The following TPST1 variants were observed in gnomAD, a reference collection of about 807,000 sequenced individuals.
The protein encoded by TPST1 is tyrosylprotein sulfotransferase 1.
In TPST1, 20 loss-of-function variants were observed where a neutral mutation model predicts 34.8. That is an observed-to-expected ratio of 0.57 (90% confidence interval 0.40 to 0.84). The LOEUF is 0.84. Ranked by LOEUF, TPST1 falls within the 40% of genes least tolerant of loss-of-function variation. The probability of loss-of-function intolerance (pLI) is 0.00; values close to 1 mark genes in which losing one functional copy is unlikely to be tolerated. For missense variants in TPST1, 353 were observed against 455.5 expected (o/e 0.78, Z 2.05); for synonymous variants, 152 against 159.4 (o/e 0.95, Z 0.35).
chr7:66,308,885 A>G (rs1791475577), intron 3 of TPST1, among the ~76,000 whole-genome samples: 1 of 151,976 alleles, frequency 6.6e-6, no homozygotes, highest in Admixed American at 6.6e-5. Flanking sequence ...AGTATTCCTT[A>G]TTTTCTAACC....
chr7:66,299,772 T>A (rs1044185533), intron 3 of TPST1, among the ~76,000 whole-genome samples: 1 of 152,214 alleles, frequency 6.6e-6, no homozygotes, highest in Non-Finnish European at 1.5e-5. Flanking sequence ...ATTCTGTTGA[T>A]CTTTTCCTCT....
intron 1 of TPST1, among the ~76,000 whole-genome samples, chr7:66,208,202 G>A (rs147643025): frequency 6.6e-6 from 1 of 152,088 alleles, no homozygotes; most frequent in Non-Finnish European, 1.5e-5. Flanking sequence ...TAGCATGGGC[G>A]CATCCCCTTC....
intron 1 of TPST1, among the ~76,000 whole-genome samples, chr7:66,216,509 G>A (rs574818124): frequency 2.7e-5 from 4 of 148,744 alleles, no homozygotes; most frequent in South Asian, 2.1e-4. Flanking sequence ...TTGCTCTGTC[G>A]CCCAGGCTGG....
intron 2 of TPST1, among the ~76,000 whole-genome samples, chr7:66,246,093 C>G (rs558651711): frequency 1.2e-3 from 180 of 151,214 alleles, no homozygotes; most frequent in African/African-American, 4.3e-3. Context: ...TCACTGCAGC[C>G]TTGAACTCCT....
At chr7:66,347,902 G>T (rs2116365880) in intron 3 of TPST1, among the ~76,000 whole-genome samples, 1 of 152,014 alleles carries the variant, frequency 6.6e-6, no homozygotes, top group South Asian at 2.1e-4. Context: ...CAAATATAAG[G>T]TTATATTATC....
At chr7:66,310,002 AT>A (rs1791499923) in intron 3 of TPST1, among the ~76,000 whole-genome samples, 1 of 152,200 alleles carries the variant, frequency 6.6e-6, no homozygotes, top group Non-Finnish European at 1.5e-5. Flanking sequence ...CAAACAAGTT[AT>A]GGTGGCAAAA....
In TPST1 at chr7:66,334,635, C is replaced by CA. The variant is rs60341796; in HGVS notation, c.1045-17854dup. Among the ~76,000 whole-genome samples the CA allele has an allele frequency of 3.1e-3, 353 of 112,748 alleles. 7 individuals carry two copies. Among genetic ancestry groups the CA allele is most frequent in the African/African-American group, 1.0e-2 (282 of 28,238 alleles). The allele number at this position is 112,748 out of a possible 152,430, so 74.0% of individuals were successfully genotyped here. A position where few individuals can be genotyped will look rare whatever the true frequency, so the allele number is the denominator to read the frequency against. ...TGGGTGAAAGAGCGAGACTCCATCTCAAAAAAAAAAAAAAAAGTATTCAAA... is the reference window on the plus strand; with the variant it reads ...TGGGTGAAAGAGCGAGACTCCATCTCAAAAAAAAAAAAAAAAAGTATTCAAA... On this transcript the variant is annotated intron_variant, in intron 3 of 5. Transcript: ENST00000304842.
chr7:66,227,618 A>G (rs946843135), intron 1 of TPST1, among the ~76,000 whole-genome samples: 2 of 152,122 alleles, frequency 1.3e-5, no homozygotes, highest in Non-Finnish European at 2.9e-5. Context: ...AATGGGCAGC[A>G]GTAGAAGTAA....
chr7:66,314,647 C>G (rs1294269027), intron 3 of TPST1, among the ~76,000 whole-genome samples: 1 of 152,202 alleles, frequency 6.6e-6, no homozygotes, highest in African/African-American at 2.4e-5. Flanking sequence ...TGTCATTGTG[C>G]AAACACCATA....
intron 3 of TPST1, among the ~76,000 whole-genome samples, chr7:66,309,873 T>C (rs1449718228): frequency 6.6e-6 from 1 of 152,074 alleles, no homozygotes; most frequent in African/African-American, 2.4e-5. Flanking sequence ...ACAAATTTTA[T>C]GTGCACATGT....
chr7:66,293,461 C>T (rs1296077489), intron 3 of TPST1, among the ~76,000 whole-genome samples: 1 of 152,108 alleles, frequency 6.6e-6, no homozygotes, highest in Non-Finnish European at 1.5e-5. Flanking sequence ...TGAGAGTATG[C>T]CACTGTACTG....
chr7:66,253,800 G>A (rs1421563123), intron 2 of TPST1, among the ~76,000 whole-genome samples: 2 of 151,686 alleles, frequency 1.3e-5, no homozygotes, highest in East Asian at 3.9e-4. Context: ...CACTTTGGGA[G>A]GCTGAGGTGG....
intron 2 of TPST1, among the ~76,000 whole-genome samples, chr7:66,273,374 A>T (rs1005735496): frequency 2.0e-5 from 3 of 152,222 alleles, no homozygotes; most frequent in Non-Finnish European, 4.4e-5. Flanking sequence ...AGATTTCAAT[A>T]CAATCCCTAT....
At chr7:66,267,963 CT>C (rs1272545288) in intron 2 of TPST1, among the ~76,000 whole-genome samples, 3 of 149,246 alleles carry the variant, frequency 2.0e-5, no homozygotes, top group African/African-American at 2.5e-5. Flanking sequence ...TCCTTTCGTC[CT>C]TTTTTTTTGA....
chr7:66,345,308 C>G (rs112527889), intron 3 of TPST1, among the ~76,000 whole-genome samples: 34,418 of 150,354 alleles, frequency 0.23, 4,102 homozygotes, highest in East Asian at 0.3. Context: ...ACCAGCCTGG[C>G]CAACATGGTG....
At chr7:66,250,057 CT>C (rs1352141968) in intron 2 of TPST1, among the ~76,000 whole-genome samples, 1 of 152,200 alleles carries the variant, frequency 6.6e-6, no homozygotes, top group Admixed American at 6.5e-5. Context: ...AATACTATCT[CT>C]CTCCGTGTCT....
intron 1 of TPST1, among the ~76,000 whole-genome samples, chr7:66,236,712 T>G (rs1169006272): frequency 6.6e-6 from 1 of 152,180 alleles, no homozygotes; most frequent in Non-Finnish European, 1.5e-5. Flanking sequence ...AAAATAGACT[T>G]TCTAAATTAA....
intron 2 of TPST1, among the ~76,000 whole-genome samples, chr7:66,250,316 A>G (rs1790236976): frequency 6.6e-6 from 1 of 152,236 alleles, no homozygotes; most frequent in African/African-American, 2.4e-5. Flanking sequence ...GGAAGATGGT[A>G]GAGCCAGGCT....
At chr7:66,227,028 CTTT>C (rs546339747) in intron 1 of TPST1, among the ~76,000 whole-genome samples, 2 of 69,192 alleles carry the variant, frequency 2.9e-5, no homozygotes, top group Non-Finnish European at 4.9e-5. Flanking sequence ...TTAAAATAAG[CTTT>C]TTTTTTTTTT....
Sources: allele counts gnomAD v4.1 joint callset (sites outside exome capture counted in the v4.1 genomes callset), GRCh38; gene constraint gnomAD v4.1.1; transcripts MANE v1.5; gene names NCBI Gene and HGNC (gene_info 2026-07-23, HGNC 2026-07-21).